Variants in SNTG2 observed in about 807,000 individuals in gnomAD.
SNTG2 encodes gamma-2-syntrophin.
Under a neutral mutation model 70.9 loss-of-function variants are expected in SNTG2, and 74 were observed. That is an observed-to-expected ratio of 1.04 (90% CI 0.86 to 1.27). The LOEUF (loss-of-function observed/expected upper bound fraction) is 1.27. Among genes scored for constraint, SNTG2 ranks in the 50% most tolerant of loss-of-function variants. SNTG2 has a pLI of 0.00. For synonymous variants in SNTG2, 278 were observed against 273.8 expected, an observed-to-expected ratio of 1.02 and a Z score of -0.15; for missense variants, 717 against 690.7, an observed-to-expected ratio of 1.04 and a Z score of -0.43.
intron 16 of SNTG2, among the ~76,000 whole-genome samples, chr2:1,328,068 G>A (rs1186443975): frequency 6.6e-6 from 1 of 152,104 alleles, no homozygotes; most frequent in Admixed American, 6.5e-5. Flanking sequence ...AGCAAGGGGG[G>A]CGAGGGATGC....
At chr2:1,058,788 A>G (rs1330038711) in intron 1 of SNTG2, among the ~76,000 whole-genome samples, 1 of 152,222 alleles carries the variant, frequency 6.6e-6, no homozygotes, top group Non-Finnish European at 1.5e-5. Context: ...GTACCTAACT[A>G]ATGGCACCTG....
chr2:1,317,456 ATTGGAGAAGGTTGGGATT>A, intron 16 of SNTG2, among the ~76,000 whole-genome samples: 1 of 110,236 alleles, frequency 9.1e-6, no homozygotes, highest in African/African-American at 3.1e-5. Context: ...TGAGGCCAGC[ATTGGAGAAGGTTGGGATT>A]CTGGAGCATT....
At chr2:1,093,478 T>A (rs1665169462) in intron 2 of SNTG2, among the ~76,000 whole-genome samples, 1 of 152,206 alleles carries the variant, frequency 6.6e-6, no homozygotes, top group South Asian at 2.1e-4. Flanking sequence ...CCTGTTTACT[T>A]TTTATCATCC....
chr2:1,115,433 A>G (rs570212494), intron 4 of SNTG2, among the ~76,000 whole-genome samples: 1 of 148,380 alleles, frequency 6.7e-6, no homozygotes, highest in South Asian at 2.2e-4. Context: ...AATTGTGTTT[A>G]CTAAGTGAGG....
At chr2:1,255,790 G>A (rs9711662) in intron 12 of SNTG2, among the ~76,000 whole-genome samples, 1 of 94,446 alleles carries the variant, frequency 1.1e-5, no homozygotes, top group Non-Finnish European at 2.3e-5. Context: ...ATGTGTGTGT[G>A]TGTATATATA....
chr2:1,264,872 A>G (rs1054729803), intron 13 of SNTG2, among the ~76,000 whole-genome samples: 1 of 152,200 alleles, frequency 6.6e-6, no homozygotes, highest in Admixed American at 6.5e-5. Context: ...CACTTATTCT[A>G]TTCTAAGAAT....
intron 1 of SNTG2, among the ~76,000 whole-genome samples, chr2:970,276 T>A (rs1660694078): frequency 6.6e-6 from 1 of 152,176 alleles, no homozygotes; most frequent in Non-Finnish European, 1.5e-5. Flanking sequence ...ATTTGAGGAT[T>A]TTTTTTAATT....
intron 4 of SNTG2, among the ~76,000 whole-genome samples, chr2:1,133,380 A>G (rs6744472): frequency 0.41 from 62,183 of 152,068 alleles, 13,198 homozygotes; most frequent in East Asian, 0.56. Flanking sequence ...CCTTGATTAT[A>G]TTACCTTTAC....
intron 9 of SNTG2, among the ~76,000 whole-genome samples, chr2:1,219,045 TGGGA>T (rs1416340851): frequency 2.0e-5 from 3 of 152,158 alleles, no homozygotes; most frequent in African/African-American, 4.8e-5. Flanking sequence ...TAGGTCCTGG[TGGGA>T]GGTGACTGGA....
chr2:982,882 C>T (rs1439545241), intron 1 of SNTG2, among the ~76,000 whole-genome samples: 1 of 152,100 alleles, frequency 6.6e-6, no homozygotes, highest in East Asian at 1.9e-4. Context: ...ACACTAAAAC[C>T]CCATCCCAAG....
chr2:1,209,938 G>A (rs571897666), intron 9 of SNTG2, among the ~76,000 whole-genome samples: 1 of 152,130 alleles, frequency 6.6e-6, no homozygotes. Context: ...GTGTGAATGT[G>A]TGTGGCTATA....
chr2:971,246 T>G (rs6548293), intron 1 of SNTG2, among the ~76,000 whole-genome samples: 64,172 of 151,998 alleles, frequency 0.42, 14,153 homozygotes, highest in Middle Eastern at 0.51. Context: ...TGTGAATTTG[T>G]TTGTGAATTT....
intron 1 of SNTG2, among the ~76,000 whole-genome samples, chr2:953,469 C>G (rs1295220609): frequency 1.3e-5 from 2 of 152,196 alleles, no homozygotes; most frequent in African/African-American, 4.8e-5. Context: ...TTTAAAGGTG[C>G]ATGTGGGGTA....
chr2:1,212,847 G>A (rs548521057), intron 9 of SNTG2, among the ~76,000 whole-genome samples: 25 of 152,278 alleles, frequency 1.6e-4, no homozygotes, highest in East Asian at 1.2e-3. Flanking sequence ...TCTCCTGAGG[G>A]CTCCTCAGTC....
At chr2:1,117,426 G>C (rs111283711) in intron 4 of SNTG2, among the ~76,000 whole-genome samples, 1,960 of 151,312 alleles carry the variant, frequency 0.013, 35 homozygotes, top group African/African-American at 0.042. Context: ...TTTCTTTCTC[G>C]TTGAAATGAA....
At chr2:1,346,957 A>G (rs59849284) in intron 16 of SNTG2, among the ~76,000 whole-genome samples, 10 of 152,138 alleles carry the variant, frequency 6.6e-5, no homozygotes, top group African/African-American at 2.2e-4. Context: ...CCACCACGTC[A>G]TGCTGTACCA....
intron 8 of SNTG2, among the ~76,000 whole-genome samples, chr2:1,196,826 G>A (rs1169137885): frequency 6.6e-6 from 1 of 152,044 alleles, no homozygotes; most frequent in Non-Finnish European, 1.5e-5. Flanking sequence ...TCTCAGACAA[G>A]CAAAAACATA....
intron 6 of SNTG2, among the ~76,000 whole-genome samples, chr2:1,147,052 T>A (rs573117068): frequency 6.6e-6 from 1 of 152,366 alleles, no homozygotes; most frequent in East Asian, 1.9e-4. Flanking sequence ...ATTTAAGTAT[T>A]GTTAACTTTA....
intron 1 of SNTG2, among the ~76,000 whole-genome samples, chr2:993,063 G>A (rs1661554390): frequency 9.0e-6 from 1 of 110,916 alleles, no homozygotes; most frequent in Non-Finnish European, 1.8e-5. Context: ...TTGGTCTTTT[G>A]TGGGTTCTTT....
Sources: gnomAD v4.1 joint callset for allele counts (sites outside exome capture counted in the v4.1 genomes callset) on GRCh38, gnomAD v4.1.1 for gene constraint, MANE v1.5 for transcripts, NCBI Gene and HGNC (gene_info 2026-07-23, HGNC 2026-07-21) for gene names.